Variants in MARCHF5 observed in about 807,000 individuals in gnomAD.
The protein encoded by MARCHF5 is E3 ubiquitin-protein ligase MARCHF5.
A neutral mutation model predicts 36.5 loss-of-function variants in MARCHF5; 5 were observed. That is an observed-to-expected ratio of 0.14 (90% CI 0.07 to 0.29). The LOEUF is 0.29. Ranked by LOEUF, MARCHF5 falls within the 10% of genes least tolerant of loss-of-function variation. MARCHF5 has a pLI of 1.00. For synonymous variants in MARCHF5, 103 were observed against 109.9 expected, an observed-to-expected ratio of 0.94 and a Z score of 0.39; for missense variants, 179 against 336.3, an observed-to-expected ratio of 0.53 and a Z score of 3.66.
intron 1 of MARCHF5, among the ~76,000 whole-genome samples, chr10:92,310,460 A>G (rs1843131474): frequency 1.3e-5 from 2 of 152,128 alleles, no homozygotes; most frequent in African/African-American, 4.8e-5. Flanking sequence ...TCTCAATAGA[A>G]TTTTATTTTT....
chr10:92,325,868 G>A (rs1001432763), intron 2 of MARCHF5, among the ~76,000 whole-genome samples: 1 of 152,108 alleles, frequency 6.6e-6, no homozygotes, highest in Non-Finnish European at 1.5e-5. Context: ...GAATAGAGAT[G>A]AGGTTTCACC....
intron 2 of MARCHF5, among the ~76,000 whole-genome samples, chr10:92,335,181 T>C (rs544336764): frequency 6.6e-6 from 1 of 152,240 alleles, no homozygotes; most frequent in Non-Finnish European, 1.5e-5. Context: ...CAAAGGCTGC[T>C]GTCTTGCCTT....
At chr10:92,332,394 A>G (rs1171709670) in intron 2 of MARCHF5, among the ~76,000 whole-genome samples, 1 of 152,010 alleles carries the variant, frequency 6.6e-6, no homozygotes. Flanking sequence ...CAGAGATGAA[A>G]CTTACATAAG....
intron 2 of MARCHF5, among the ~76,000 whole-genome samples, chr10:92,311,655 ACTTAG>A (rs1192595625): frequency 6.6e-6 from 1 of 152,218 alleles, no homozygotes; most frequent in Non-Finnish European, 1.5e-5. Context: ...AAAAAAACTA[ACTTAG>A]CTTAATTATC....
At chr10:92,350,007 A>T (rs1843698345) in intron 5 of MARCHF5, 170 bp downstream of exon 5, 1 of 597,272 alleles carries the variant, frequency 1.7e-6, no homozygotes, top group Admixed American at 3.3e-5. Flanking sequence ...AAAGAGGAGA[A>T]ACCACTGCAG....
In MARCHF5 at chr10:92,352,030, T is replaced by C. The variant is rs1015191093; in HGVS notation, c.*823T>C. On this transcript the variant is annotated 3_prime_UTR_variant, in exon 6 of 6. Coordinates refer to ENST00000358935, the MANE Select transcript of MARCHF5 (RefSeq NM_017824.5). ...AGAAATTACAGCTGCCAGTTTATAGTAGTTTGAGCAGAGGATGATTTGCAA... is the reference window on the plus strand; with the variant it reads ...AGAAATTACAGCTGCCAGTTTATAGCAGTTTGAGCAGAGGATGATTTGCAA... The C allele has an allele frequency of 3.3e-5, 5 of 152,398 alleles. No individual in the cohort carries two copies. Among genetic ancestry groups the C allele is most frequent in the African/African-American group, 1.2e-4 (5 of 41,372 alleles). The allele number at this position is 152,398 out of a possible 1,614,324, so 9.4% of individuals were successfully genotyped here.
At position 92,321,080 on chromosome 10, in the gene MARCHF5, G is replaced by A. The variant is rs1438846014; in HGVS notation, c.238+9743G>A. 3.9e-5 allele frequency among the ~76,000 whole-genome samples: 6 copies of A among 152,042 alleles called. No individual in the cohort carries two copies. The South Asian group carries it at 8.3e-4, about 21-fold the overall frequency. ...TTCAATACAGTAACATGCTGTGCAG[G>A]TTTGTAGGCTAAGAGCAGTAGGCTA... On this transcript the variant is annotated intron_variant, in intron 2 of 5. Transcript: ENST00000358935.
At chr10:92,344,014 A>G (rs908135825) in intron 3 of MARCHF5, among the ~76,000 whole-genome samples, 1 of 152,238 alleles carries the variant, frequency 6.6e-6, no homozygotes, top group African/African-American at 2.4e-5. Flanking sequence ...AATACATTAT[A>G]TAGATATATA....
intron 2 of MARCHF5, among the ~76,000 whole-genome samples, chr10:92,333,240 T>TC (rs1333180914): frequency 4.0e-5 from 6 of 151,726 alleles, no homozygotes; most frequent in African/African-American, 1.2e-4. Flanking sequence ...TTTTTTTTTT[T>TC]CCCTTAAAAT....
At chr10:92,347,519 TA>T (rs879575753) in intron 3 of MARCHF5, among the ~76,000 whole-genome samples, 4,782 of 49,098 alleles carry the variant, frequency 0.097, 182 homozygotes, top group South Asian at 0.15. Context: ...GATAGATAGA[TA>T]GATGATAGAT....
intron 2 of MARCHF5, among the ~76,000 whole-genome samples, chr10:92,323,305 A>G (rs1843313745): frequency 6.6e-6 from 1 of 152,138 alleles, no homozygotes; most frequent in Admixed American, 6.6e-5. Flanking sequence ...ACACACACAG[A>G]GTGCTGACTA....
intron 1 of MARCHF5, among the ~76,000 whole-genome samples, chr10:92,300,079 T>C (rs1273569330): frequency 6.6e-6 from 1 of 151,652 alleles, no homozygotes; most frequent in East Asian, 1.9e-4. Flanking sequence ...GAGGTTCACT[T>C]GAGCCTGGGA....
intron 1 of MARCHF5, among the ~76,000 whole-genome samples, chr10:92,303,686 T>C (rs1843042340): frequency 1.3e-5 from 2 of 152,228 alleles, no homozygotes; most frequent in Admixed American, 1.3e-4. Context: ...AATTTTGTCA[T>C]GTATATTCCT....
chr10:92,348,331 A>T (rs1221775569), intron 3 of MARCHF5, among the ~76,000 whole-genome samples: 1 of 152,034 alleles, frequency 6.6e-6, no homozygotes, highest in African/African-American at 2.4e-5. Context: ...TCTACTAAAA[A>T]TACACAAATT....
intron 2 of MARCHF5, among the ~76,000 whole-genome samples, chr10:92,319,226 T>C (rs1843256729): frequency 6.6e-6 from 1 of 152,164 alleles, no homozygotes; most frequent in Non-Finnish European, 1.5e-5. Context: ...AAATATAACA[T>C]GTAACAGTTT....
At chr10:92,347,511 TA>T (rs71484290) in intron 3 of MARCHF5, among the ~76,000 whole-genome samples, 43,041 of 100,746 alleles carry the variant, frequency 0.43, 7,335 homozygotes, top group Middle Eastern at 0.46. Context: ...GATAGATAGA[TA>T]GATAGATAGA....
At chr10:92,303,490 A>G (rs7100640) in intron 1 of MARCHF5, among the ~76,000 whole-genome samples, 16,093 of 152,096 alleles carry the variant, frequency 0.11, 2,821 homozygotes, top group African/African-American at 0.37. Flanking sequence ...TAAGGTTTCT[A>G]ACAACTTTTC....
At chr10:92,328,479 T>C (rs989828541) in intron 2 of MARCHF5, among the ~76,000 whole-genome samples, 1 of 151,634 alleles carries the variant, frequency 6.6e-6, no homozygotes, top group Non-Finnish European at 1.5e-5. Context: ...TAGCTGGATT[T>C]TTATCATCAG....
Position 92,291,272 on chromosome 10 carries a change from C to G in MARCHF5, c.-223C>G. On this transcript the variant is annotated 5_prime_UTR_variant, in exon 1 of 6. Coordinates refer to ENST00000358935, the MANE Select transcript of MARCHF5 (RefSeq NM_017824.5). ...AACCCGGGCCGCGATCGCCGCCTCC[C>G]CGCCTCAGGCTCCTCCTCCTCGCTC... 1 of 541,966 alleles carries G rather than the reference C, an allele frequency of 1.8e-6. No individual in the cohort carries two copies. 33.6% of individuals were successfully genotyped at this position (541,966 alleles called of 1,614,324 possible). A position where few individuals can be genotyped will look rare whatever the true frequency, so the allele number is the denominator to read the frequency against.
Sources: gnomAD v4.1 joint callset for allele counts (sites outside exome capture counted in the v4.1 genomes callset) on GRCh38, gnomAD v4.1.1 for gene constraint, MANE v1.5 for transcripts, NCBI Gene and HGNC (gene_info 2026-07-23, HGNC 2026-07-21) for gene names.